SYNE2: variants seen among roughly 807,000 people sequenced by gnomAD.
SYNE2 encodes spectrin repeat containing nuclear envelope protein 2, also known as nesprin-2.
Under a neutral mutation model 856.3 loss-of-function variants are expected in SYNE2, and 431 were observed. The ratio of observed to expected loss-of-function variants is 0.50; its 90% confidence interval spans 0.47 to 0.55. The LOEUF is 0.55. Ranked by LOEUF, SYNE2 falls within the 20% of genes least tolerant of loss-of-function variation. The pLI is 0.00. For missense variants in SYNE2, 8,129 were observed against 8,023.2 expected, an observed-to-expected ratio of 1.01 and a Z score of -0.50; for synonymous variants, 2,923 against 2,872.3, an observed-to-expected ratio of 1.02 and a Z score of -0.56.
At chr14:63,879,017 T>C (rs2094794822) in intron 1 of SYNE2, among the ~76,000 whole-genome samples, 1 of 151,948 alleles carries the variant, frequency 6.6e-6, no homozygotes, top group South Asian at 2.1e-4. Flanking sequence ...AAGACCAGAC[T>C]GGGCAACATA....
At chr14:64,166,924 C>T in intron 90 of SYNE2, 1 of 370,692 alleles carries the variant, frequency 2.7e-6, no homozygotes, top group South Asian at 2.3e-5. Context: ...CAGAATGAGA[C>T]TCCATTCCGA....
intron 1 of SYNE2, among the ~76,000 whole-genome samples, chr14:63,902,726 C>G (rs975541036): frequency 6.6e-6 from 1 of 151,372 alleles, no homozygotes; most frequent in Admixed American, 6.6e-5. Flanking sequence ...CAAGGTCTTG[C>G]TTTGTCACCC....
Position 64,170,370 on chromosome 14 carries a change from T to C in SYNE2, c.17143T>C (p.Phe5715Leu), listed in dbSNP as rs758472358. 3.1e-6 allele frequency: 5 copies of C among 1,614,182 alleles called. No individual in the cohort carries two copies. The highest frequency in any genetic ancestry group is 1.1e-5 in the South Asian group (1 of 91,076). The stretch of plus-strand genomic sequence containing the variant: ...TACTTCTGTGGAGAACTTGTTTCGC[T>C]TCCTCACTGACACCAGCCACCTGCT... ...FTTSVENLFRFLTDTSHLLSA... is the reference protein window; with the variant it reads ...FTTSVENLFRLLTDTSHLLSA... The change falls in exon 94 of 116, where the codon TTC becomes CTC. Residue 5715 changes from phenylalanine to leucine, a missense_variant. By Grantham distance (22) the Phe-to-Leu change is conservative. Transcript: ENST00000555002.
chr14:64,134,232 G>T, intron 78 of SYNE2, 32 bp downstream of exon 78: 2 of 1,610,896 alleles, frequency 1.2e-6, no homozygotes, highest in Non-Finnish European at 1.7e-6. Context: ...TATCAAAGGC[G>T]TGTCCATAGC....
At chr14:63,949,440 A>C (rs2096114819) in intron 6 of SYNE2, among the ~76,000 whole-genome samples, 1 of 152,168 alleles carries the variant, frequency 6.6e-6, no homozygotes, top group Admixed American at 6.5e-5. Context: ...ACATTTGTTC[A>C]TAATGGATGC....
At chr14:64,077,284 A>C (rs1177045043) in intron 54 of SYNE2, among the ~76,000 whole-genome samples, 1 of 152,210 alleles carries the variant, frequency 6.6e-6, no homozygotes, top group Non-Finnish European at 1.5e-5. Flanking sequence ...AATGGTATAC[A>C]TTTCTGCCAG....
chr14:64,036,197 CT>C (rs2097088735), intron 45 of SYNE2, among the ~76,000 whole-genome samples: 2 of 143,568 alleles, frequency 1.4e-5, no homozygotes. Context: ...TTCTTTTTTA[CT>C]TAAAAAAAAA....
intron 115 of SYNE2, 102 bp downstream of exon 115, chr14:64,225,147 T>G: frequency 6.4e-7 from 1 of 1,559,384 alleles, no homozygotes; most frequent in Non-Finnish European, 8.8e-7. Flanking sequence ...AAAATCTGGT[T>G]TTCTTTTGTC....
chr14:63,955,025 G>C lies in SYNE2; in HGVS notation c.787+110G>C, dbSNP rs151131988. The C allele has an allele frequency of 4.2e-4, 387 of 911,368 alleles. 1 individual carries two copies. In the African/African-American group the frequency reaches 5.5e-3, roughly 13 times the overall value. The allele number at this position is 911,368 out of a possible 1,614,324, so 56.5% of individuals were successfully genotyped here. On this transcript the variant is annotated intron_variant, in intron 8 of 115. Coordinates refer to ENST00000555002, the MANE Select transcript of SYNE2 (RefSeq NM_182914.3). ...ATAGTGGCACTCTATTTTAGTCCTG[G>C]AGGGTTTAACTTAAGCTCTTTATCG... is the stretch of plus-strand genomic sequence containing the variant.
chr14:63,958,913 G>A (rs1305443048), intron 8 of SYNE2, among the ~76,000 whole-genome samples: 1 of 152,068 alleles, frequency 6.6e-6, no homozygotes, highest in African/African-American at 2.4e-5. Context: ...TCAAAGTTTT[G>A]TCCACTAGGA....
intron 35 of SYNE2, 64 bp from the exon 36 acceptor site, chr14:64,021,251 G>T: frequency 8.0e-7 from 1 of 1,249,470 alleles, no homozygotes; most frequent in Non-Finnish European, 1.2e-6. Context: ...CTCTAGCAAT[G>T]CAGTTGTCTT....
chr14:64,015,092 G>A (rs1255642570), intron 32 of SYNE2, among the ~76,000 whole-genome samples: 6 of 144,958 alleles, frequency 4.1e-5, no homozygotes, highest in East Asian at 2.0e-4. Flanking sequence ...TATATAACGT[G>A]TATATATATA....
chr14:64,166,340 A>T (rs1485235979), intron 90 of SYNE2, among the ~76,000 whole-genome samples: 1 of 152,232 alleles, frequency 6.6e-6, no homozygotes, highest in Non-Finnish European at 1.5e-5. Context: ...CTGCCCTTTT[A>T]CAGAAAAAGT....
At chr14:63,856,356 G>A (rs1445665744) in intron 1 of SYNE2, among the ~76,000 whole-genome samples, 1 of 152,150 alleles carries the variant, frequency 6.6e-6, no homozygotes, top group African/African-American at 2.4e-5. Flanking sequence ...AGCCAGGCTC[G>A]CAGACTCTAA....
intron 48 of SYNE2, 98 bp downstream of exon 48, chr14:64,053,755 C>A: frequency 2.5e-6 from 3 of 1,224,322 alleles, no homozygotes; most frequent in Non-Finnish European, 2.3e-6. Flanking sequence ...TCACTTGAGG[C>A]CAAGTAGAGA....
chr14:64,002,582 G>A, intron 29 of SYNE2, 138 bp from the exon 30 acceptor site: 1 of 901,672 alleles, frequency 1.1e-6, no homozygotes, highest in Non-Finnish European at 1.7e-6. Flanking sequence ...GTTTCCTTAG[G>A]TAGAAACTGT....
chr14:64,026,508 A>C, intron 41 of SYNE2, 71 bp from the exon 42 acceptor site: 1 of 1,229,280 alleles, frequency 8.1e-7, no homozygotes, highest in Non-Finnish European at 1.2e-6. Flanking sequence ...AAAGCTTACA[A>C]ATAAAGAGAT....
At chr14:63,940,005 G>C (rs555486880) in intron 2 of SYNE2, among the ~76,000 whole-genome samples, 1 of 151,816 alleles carries the variant, frequency 6.6e-6, no homozygotes, top group East Asian at 1.9e-4. Context: ...GTCTAGGTTA[G>C]GAACTCCTGT....
chr14:64,038,469 A>C (rs1473257327), intron 45 of SYNE2, among the ~76,000 whole-genome samples: 1 of 152,058 alleles, frequency 6.6e-6, no homozygotes, highest in African/African-American at 2.4e-5. Context: ...CAATCTTGGC[A>C]CTTTGGGAGG....
Sources: allele counts gnomAD v4.1 joint callset (sites outside exome capture counted in the v4.1 genomes callset), GRCh38; gene constraint gnomAD v4.1.1; transcripts MANE v1.5; gene names NCBI Gene and HGNC (gene_info 2026-07-23, HGNC 2026-07-21).